Variants in KMT2D observed in about 807,000 individuals in gnomAD.
The protein encoded by KMT2D is histone-lysine N-methyltransferase 2D.
Under a neutral mutation model 512.7 loss-of-function variants are expected in KMT2D, and 55 were observed. That is an observed-to-expected ratio of 0.11 (90% CI 0.09 to 0.13). The LOEUF (loss-of-function observed/expected upper bound fraction) is 0.13, where lower values mean the gene tolerates loss of function less well. Among genes scored for constraint, KMT2D ranks in the 10% least tolerant of loss-of-function variants. The probability of loss-of-function intolerance (pLI) is 1.00; values close to 1 mark genes in which losing one functional copy is unlikely to be tolerated. For synonymous variants in KMT2D, 2,995 were observed against 2,904.0 expected (o/e 1.03, Z -1.01); for missense variants, 6,061 against 7,127.9 (o/e 0.85, Z 5.39).
chr12:49,022,866 G>C lies in KMT2D; in HGVS notation c.16062C>G (p.Thr5354=), dbSNP rs2137707872. The C allele has an allele frequency of 6.3e-7, 1 of 1,597,854 alleles. No homozygotes were observed. Among genetic ancestry groups the C allele is most frequent in the Non-Finnish European group, 8.6e-7 (1 of 1,169,320 alleles). The change falls in exon 52 of 55, where the codon ACC becomes ACG. Residue 5354 remains threonine (T), a synonymous_variant. Coordinates refer to ENST00000301067, the MANE Select transcript of KMT2D (RefSeq NM_003482.4). This position sits in a 1 kb window ranked among gnomAD's most constrained non-coding sequence, Gnocchi z 8.6. ...CCTTAGACATGCTGGTGCTGTTCAGGGTATGGGGCCTGGGAGGTGATATAA... is the reference window on the plus strand; with the variant it reads ...CCTTAGACATGCTGGTGCTGTTCAGCGTATGGGGCCTGGGAGGTGATATAA... The part of the protein sequence containing the change: ...KILTHYKRPH[T]LNSTSMSKAY...
rs1943366504 is a variant in KMT2D at position 49,039,188 on chromosome 12, T to C, written c.8366+34A>G. The stretch of plus-strand genomic sequence containing the variant: ...CAACAGTGATAAAATCCATCCCCCT[T>C]GGTTTACCCCCAGGGAACCTCCTGG... On this transcript the variant is annotated intron_variant, in intron 34 of 54. Coordinates refer to ENST00000301067, the MANE Select transcript of KMT2D (RefSeq NM_003482.4). The surrounding 1 kb of genome is among the most constrained non-coding windows in gnomAD (Gnocchi z 5.0). 6.2e-7 allele frequency: 1 copy of C among 1,610,498 alleles called. No homozygotes were observed. The highest frequency in any genetic ancestry group is 8.5e-7 in the Non-Finnish European group (1 of 1,178,274).
chr12:49,022,451 T>C lies in KMT2D; in HGVS notation c.16339-98A>G. On this transcript the variant is annotated intron_variant, in intron 52 of 54. Transcript: ENST00000301067. The surrounding 1 kb of genome is among the most constrained non-coding windows in gnomAD (Gnocchi z 8.6). ...AGGAGACTCAGGCAGTGGGGGCTTT[T>C]GTTGCATGTACTTCATTTCTCCTGC... 6.7e-7 allele frequency: 1 copy of C among 1,491,428 alleles called. No homozygotes were observed. Among genetic ancestry groups the C allele is most frequent in the Non-Finnish European group, 9.2e-7 (1 of 1,082,378 alleles). 92.4% of individuals were successfully genotyped at this position (1,491,428 alleles called of 1,614,324 possible).
In KMT2D at chr12:49,050,765, G is replaced by A. The variant is rs1222351194; in HGVS notation, c.2823C>T (p.Pro941=). Reference sequence around the variant, plus strand: ...CCGGTGGGGCCGCAGCTGTGATGATGGGTGAGAGTGGAGGAGGAAGGGGAT... The same window carrying A: ...CCGGTGGGGCCGCAGCTGTGATGATAGGTGAGAGTGGAGGAGGAAGGGGAT... ...PPDPLPPPLS[P]IITAAAPPAL... The change falls in exon 12 of 55, where the codon CCC becomes CCT. Residue 941 remains proline (P), a synonymous_variant. Transcript: ENST00000301067. The A allele has an allele frequency of 3.1e-6, 5 of 1,608,924 alleles. No homozygotes were observed. In the African/African-American group the frequency reaches 6.7e-5, roughly 22 times the overall value.
In KMT2D at chr12:49,027,184, G is replaced by A. The variant is rs1437445870; in HGVS notation, c.14782C>T (p.Pro4928Ser). 1.9e-6 allele frequency: 3 copies of A among 1,544,752 alleles called. No homozygotes were observed. The highest frequency in any genetic ancestry group is 1.2e-5 in the South Asian group (1 of 80,090). Residue 4928 changes from proline (P) to serine (S), a missense_variant, in exon 49 of 55, where the codon CCC (proline) becomes TCC (serine). Pro to Ser is a moderately conservative substitution (Grantham distance 74). Coordinates refer to ENST00000301067, the MANE Select transcript of KMT2D (RefSeq NM_003482.4). ...AGTTCAACCAAGGGCTCAGTAGGGG[G>A]ACTGGCAGGAGAAGGTGCCAAGGGG... ...PSPLAPSPAS[P>S]PTEPLVELPT...
chr12:49,024,025 T>C lies in KMT2D; in HGVS notation c.16052+553A>G, dbSNP rs948883927. The C allele has an allele frequency of 6.6e-6, 3 of 451,858 alleles. No homozygotes were observed. The highest frequency in any genetic ancestry group is 3.3e-4 in the Middle Eastern group (1 of 3,064). 28.0% of individuals were successfully genotyped at this position (451,858 alleles called of 1,614,324 possible). On this transcript the variant is annotated intron_variant, in intron 51 of 54. Transcript: ENST00000301067. This position sits in a 1 kb window ranked among gnomAD's most constrained non-coding sequence, Gnocchi z 4.5. ...GGTCTCAGTTTTCTCAGCTGTAAAA[T>C]GGGGGTCATACCACCTGCCCTACCT...
rs774423907 is a variant in KMT2D, at chr12:49,050,927, G to A, written c.2756C>T (p.Pro919Leu). The A allele has an allele frequency of 6.5e-6, 10 of 1,539,102 alleles. No individual in the cohort carries two copies. In the African/African-American group the frequency reaches 1.4e-4, roughly 21 times the overall value. Residue 919 changes from proline (P) to leucine (L), a missense_variant, in exon 11 of 55, where the codon CCA (proline) becomes CTA (leucine). Physicochemically the swap from Pro to Leu is moderately conservative, Grantham distance 98. This residue lies in a region of KMT2D where 848 missense variants were observed against 838.5 expected (regional missense o/e 1.01). Coordinates refer to ENST00000301067, the MANE Select transcript of KMT2D (RefSeq NM_003482.4). The part of the protein sequence containing the change: ...SPLPEELPLS[P>L]SGEPSLSPQL... ...AGGCGACAAGGATGGCTCCCCAGAT[G>A]GGGACAACGGCAGCTCCTCGGGCAG... is the stretch of plus-strand genomic sequence containing the variant.
rs1242422624 is a variant in KMT2D, at chr12:49,041,300, C to A, written c.6470G>T (p.Gly2157Val). ...AGSVPGPDSP[G>V]ELFLKLPPQV... ...GGGTGGGAGCTTGAGGAAGAGCTCA[C>A]CAGGCGAGTCAGGGCCAGGCACCGA... Residue 2157 changes from glycine to valine, a missense_variant, in exon 32 of 55, where the codon GGT becomes GTT. This residue lies in a region of KMT2D where 710 missense variants were observed against 647.3 expected (regional missense o/e 1.10). Coordinates refer to ENST00000301067, the MANE Select transcript of KMT2D (RefSeq NM_003482.4). The surrounding 1 kb of genome is among the most constrained non-coding windows in gnomAD (Gnocchi z 5.4). The A allele has an allele frequency of 9.2e-6, 14 of 1,528,268 alleles. No homozygotes were observed. The highest frequency in any genetic ancestry group is 1.2e-5 in the Non-Finnish European group (14 of 1,141,232). The allele number at this position is 1,528,268 out of a possible 1,614,324, so 94.7% of individuals were successfully genotyped here. A position where few individuals can be genotyped will look rare whatever the true frequency, so the allele number is the denominator to read the frequency against.
rs1314526566 is a variant in KMT2D, at chr12:49,040,194, C to T, written c.7576G>A (p.Ala2526Thr). 1.2e-6 allele frequency: 2 copies of T among 1,613,494 alleles called. No homozygotes were observed. Among genetic ancestry groups the T allele is most frequent in the Non-Finnish European group, 1.7e-6 (2 of 1,179,722 alleles). Residue 2526 changes from alanine (A) to threonine (T), a missense_variant, in exon 32 of 55, where the codon GCA (alanine) becomes ACA (threonine). Around this residue, in one of 16 missense-constraint regions of KMT2D, gnomAD observed 710 missense variants for 647.3 expected, o/e 1.10. Coordinates refer to ENST00000301067, the MANE Select transcript of KMT2D (RefSeq NM_003482.4). ...ATGGGAGAGGGGGTGCCCACAAATG[C>T]ACCCGTCCCAGGGGACCGGACAAAA... ...PNFVRSPGTG[A>T]FVGTPSPMRF...
intron 19 of KMT2D, among the ~76,000 whole-genome samples, chr12:49,045,322 G>A (rs777117397): frequency 5.3e-5 from 8 of 152,120 alleles, no homozygotes; most frequent in Admixed American, 1.3e-4. Flanking sequence ...CGATGGAGAT[G>A]TCCCTGGCCC....
chr12:49,057,552 G>A (rs1179938496), intron 1 of KMT2D, among the ~76,000 whole-genome samples: 1 of 152,188 alleles, frequency 6.6e-6, no homozygotes, highest in Non-Finnish European at 1.5e-5. Flanking sequence ...CATGGAAGAT[G>A]AGAGATTAAG....
In KMT2D at chr12:49,051,681, C is replaced by G; in HGVS notation, c.2002G>C (p.Glu668Gln). ...VVSRLSPPPE[E>Q]SPLSPPPEES... ...TCAGGCGGTGGGGACAAGGGAGATT[C>G]CTCAGGCGGTGGAGACAGGCGTGAC... The change falls in exon 11 of 55, where the codon GAA becomes CAA. Residue 668 changes from glutamate (E) to glutamine (Q), a missense_variant. Physicochemically the swap from Glu to Gln is conservative, Grantham distance 29 (BLOSUM62 2). Transcript: ENST00000301067. 2.5e-6 allele frequency: 4 copies of G among 1,576,750 alleles called. No homozygotes were observed. Among genetic ancestry groups the G allele is most frequent in the Non-Finnish European group, 3.4e-6 (4 of 1,159,460 alleles).
chr12:49,052,744 C>G, intron 9 of KMT2D, 35 bp from the exon 10 acceptor site: 1 of 1,606,434 alleles, frequency 6.2e-7, no homozygotes, highest in Non-Finnish European at 8.5e-7. Flanking sequence ...CACTGTGGCT[C>G]TCACCAGCTA....
At position 49,021,109 on chromosome 12, in the gene KMT2D, G is replaced by A; in HGVS notation, c.*671C>T. On this transcript the variant is annotated 3_prime_UTR_variant, in exon 55 of 55. Coordinates refer to ENST00000301067, the MANE Select transcript of KMT2D (RefSeq NM_003482.4). ...AATCCAACACTTAAATGAGGTAGGT[G>A]TGGGTGCGGGGTCTCCTTGCCCGGC... 1 of 200,536 alleles carries A rather than the reference G, an allele frequency of 5.0e-6. No individual in the cohort carries two copies. The highest frequency in any genetic ancestry group is 1.0e-5 in the Non-Finnish European group (1 of 97,072). The allele number at this position is 200,536 out of a possible 1,614,324, so 12.4% of individuals were successfully genotyped here.
At chr12:49,029,366 T>C (rs1400553623) in intron 44 of KMT2D, 35 bp downstream of exon 44, 1 of 1,556,024 alleles carries the variant, frequency 6.4e-7, no homozygotes, top group East Asian at 2.4e-5. Context: ...TACCCCACCC[T>C]TGTTCCTCAT....
intron 35 of KMT2D, 101 bp from the exon 36 acceptor site, chr12:49,035,036 A>G (rs2120463715): frequency 1.4e-6 from 2 of 1,432,190 alleles, no homozygotes; most frequent in East Asian, 4.8e-5. Flanking sequence ...GCCAGGCAGA[A>G]CAATGGCACG....
intron 1 of KMT2D, among the ~76,000 whole-genome samples, chr12:49,057,356 A>G (rs911777383): frequency 6.6e-6 from 1 of 152,240 alleles, no homozygotes; most frequent in Non-Finnish European, 1.5e-5. Context: ...GGCAACAATG[A>G]TAATACAGTG....
intron 14 of KMT2D, 131 bp from the exon 15 acceptor site, chr12:49,048,200 G>A (rs895147846): frequency 2.6e-5 from 16 of 605,212 alleles, no homozygotes; most frequent in South Asian, 1.1e-4. Flanking sequence ...TTAGGATGCT[G>A]TAAGCTACCA....
chr12:49,043,310 G>A lies in KMT2D; in HGVS notation c.5533+53C>T, dbSNP rs1428280446. On this transcript the variant is annotated intron_variant, in intron 25 of 54. Coordinates refer to ENST00000301067, the MANE Select transcript of KMT2D (RefSeq NM_003482.4). ...GACAATGCTCAGGGGCACAGCAGAG[G>A]GACAGAGGCAAGCAAGGCCAAGACA... The A allele has an allele frequency of 1.9e-6, 3 of 1,581,868 alleles. No individual in the cohort carries two copies. In the African/African-American group the frequency reaches 4.0e-5, roughly 21 times the overall value.
Position 49,054,903 on chromosome 12 carries a change from C to A in KMT2D, c.173G>T (p.Cys58Phe). 1.2e-6 allele frequency: 2 copies of A among 1,613,132 alleles called. No individual in the cohort carries two copies. The highest frequency in any genetic ancestry group is 1.7e-6 in the Non-Finnish European group (2 of 1,179,300). Residue 58 changes from cysteine (C) to phenylalanine (F), a missense_variant, in exon 3 of 55, where the codon TGC becomes TTC. Physicochemically the swap from Cys to Phe is radical, Grantham distance 205 (BLOSUM62 -2). Coordinates refer to ENST00000301067, the MANE Select transcript of KMT2D (RefSeq NM_003482.4). This position sits in a 1 kb window ranked among gnomAD's most constrained non-coding sequence, Gnocchi z 6.4. ...SPRLQETPQD[C>F]SGGPVRRCAL... ...CATGTGCCCTCAAACAAGCTACCTG[C>A]AGTCCTGAGGAGTCTCCTGAAGCCT...
Sources: allele counts gnomAD v4.1 joint callset (sites outside exome capture counted in the v4.1 genomes callset), GRCh38; gene constraint gnomAD v4.1.1; regional missense constraint gnomAD v4.1.1; non-coding constraint Gnocchi (gnomAD v3.1); transcripts MANE v1.5; gene names NCBI Gene and HGNC (gene_info 2026-07-23, HGNC 2026-07-21).